Variants in UTRN observed in about 807,000 individuals in gnomAD.
The protein encoded by UTRN is utrophin.
A neutral mutation model predicts 463.9 loss-of-function variants in UTRN; 283 were observed. The ratio of observed to expected loss-of-function variants is 0.61; its 90% CI spans 0.55 to 0.67. UTRN has a LOEUF of 0.67. UTRN is among the 30% of genes least tolerant of loss of function. The probability of loss-of-function intolerance (pLI) is 0.00; values close to 1 mark genes in which losing one functional copy is unlikely to be tolerated. For missense variants in UTRN, 3,922 were observed against 4,084.3 expected (o/e 0.96, Z 1.08); for synonymous variants, 1,442 against 1,431.5 (o/e 1.01, Z -0.17).
At chr6:144,721,114 G>T (rs142793822) in intron 53 of UTRN, among the ~76,000 whole-genome samples, 77 of 152,218 alleles carry the variant, frequency 5.1e-4, no homozygotes, top group Middle Eastern at 3.4e-3. Context: ...CTCTCCAGTT[G>T]TTATTTTTGA....
chr6:144,588,084 T>C (rs1802645197), intron 51 of UTRN, among the ~76,000 whole-genome samples: 1 of 152,160 alleles, frequency 6.6e-6, no homozygotes, highest in Non-Finnish European at 1.5e-5. Context: ...GACTACTTTC[T>C]CTACTCTGCG....
At chr6:144,578,158 G>T (rs12193624) in intron 51 of UTRN, among the ~76,000 whole-genome samples, 12,871 of 152,072 alleles carry the variant, frequency 0.085, 1,686 homozygotes, top group African/African-American at 0.28. Context: ...AGCCAAGATC[G>T]CACTACTACA....
At chr6:144,799,395 G>A (rs1562927228) in intron 64 of UTRN, 3 of 470,264 alleles carry the variant, frequency 6.4e-6, no homozygotes, top group Non-Finnish European at 4.4e-6. Flanking sequence ...AGTAGAGTGA[G>A]CATTAGCCTG....
Position 144,537,810 on chromosome 6 carries a change from G to A in UTRN, c.6369+93G>A, listed in dbSNP as rs1317898293. 6.7e-6 allele frequency: 10 copies of A among 1,496,762 alleles called. No individual in the cohort carries two copies. In the Admixed American group the frequency reaches 2.4e-4, roughly 37 times the overall value. 92.7% of individuals were successfully genotyped at this position (1,496,762 alleles called of 1,614,324 possible). On this transcript the variant is annotated intron_variant, in intron 44 of 74. Transcript: ENST00000367545. ...CGTGTCTCAAGAAGAAAAGGGAAAA[G>A]AAACTTTGTACTTTTTGGTAAATGT...
chr6:144,490,635 A>C (rs1056618920), intron 31 of UTRN, among the ~76,000 whole-genome samples: 12 of 152,164 alleles, frequency 7.9e-5, no homozygotes, highest in Non-Finnish European at 1.5e-4. Context: ...TATCTTTTTG[A>C]ACATGAAGTT....
At chr6:144,733,732 A>T (rs1230210058) in intron 54 of UTRN, among the ~76,000 whole-genome samples, 4 of 152,146 alleles carry the variant, frequency 2.6e-5, no homozygotes, top group Non-Finnish European at 4.4e-5. Context: ...ACAATATTAG[A>T]ATGGTTAAGA....
At chr6:144,415,997 T>TATGTGATGTATTTGCA (rs1295848618) in intron 3 of UTRN, among the ~76,000 whole-genome samples, 2 of 152,140 alleles carry the variant, frequency 1.3e-5, no homozygotes, top group African/African-American at 4.8e-5. Flanking sequence ...TATTTCTTGA[T>TATGTGATGTATTTGCA]ATGTGATGTA....
At chr6:144,523,466 C>T (rs955145541) in intron 41 of UTRN, among the ~76,000 whole-genome samples, 13 of 152,128 alleles carry the variant, frequency 8.5e-5, no homozygotes, top group East Asian at 1.9e-4. Context: ...CACACCACCA[C>T]GCCTGGCTAA....
chr6:144,642,180 G>T (rs182917007), intron 51 of UTRN, among the ~76,000 whole-genome samples: 3 of 152,066 alleles, frequency 2.0e-5, no homozygotes, highest in Non-Finnish European at 1.5e-5. Flanking sequence ...CTTTAATTTA[G>T]ACTACTTATA....
At chr6:144,850,227 C>T (rs946531910) in intron 74 of UTRN, among the ~76,000 whole-genome samples, 22 of 152,098 alleles carry the variant, frequency 1.4e-4, no homozygotes, top group Admixed American at 7.9e-4. Flanking sequence ...GGAGGGGCTC[C>T]GTGGGCAGTT....
chr6:144,531,925 C>T (rs1021727441), intron 42 of UTRN, among the ~76,000 whole-genome samples: 6 of 152,022 alleles, frequency 3.9e-5, no homozygotes, highest in African/African-American at 7.3e-5. Context: ...ATTATGAGGT[C>T]AGGAGATCGA....
chr6:144,672,615 A>G (rs1020819376), intron 51 of UTRN, among the ~76,000 whole-genome samples: 13 of 152,040 alleles, frequency 8.6e-5, no homozygotes, highest in African/African-American at 3.1e-4. Context: ...TCAAAGAACC[A>G]GCTCTTTGTT....
chr6:144,533,058 C>G, intron 42 of UTRN, 27 bp from the exon 43 acceptor site: 1 of 1,314,706 alleles, frequency 7.6e-7, no homozygotes. Flanking sequence ...ATTAGTGAAA[C>G]TAATCTTGAG....
chr6:144,296,769 A>T (rs1804750624), intron 2 of UTRN, among the ~76,000 whole-genome samples: 1 of 152,234 alleles, frequency 6.6e-6, no homozygotes, highest in African/African-American at 2.4e-5. Flanking sequence ...CAGCTCTTCT[A>T]TCTCTTTTTT....
intron 55 of UTRN, among the ~76,000 whole-genome samples, chr6:144,751,389 G>T (rs1270401819): frequency 6.6e-6 from 1 of 152,132 alleles, no homozygotes; most frequent in Non-Finnish European, 1.5e-5. Context: ...AATAAACAAT[G>T]ACTTTTTGGT....
chr6:144,538,371 T>A (rs532139168), intron 44 of UTRN, among the ~76,000 whole-genome samples: 25 of 151,272 alleles, frequency 1.7e-4, no homozygotes, highest in Admixed American at 2.0e-4. Flanking sequence ...CATTTTTTTT[T>A]AAAAAAAGAA....
intron 50 of UTRN, among the ~76,000 whole-genome samples, chr6:144,573,460 G>A (rs371864004): frequency 6.6e-5 from 10 of 152,120 alleles, no homozygotes; most frequent in East Asian, 3.9e-4. Context: ...TTGGGAGGCC[G>A]AGGCGGGCCG....
Position 144,846,795 on chromosome 6 carries a change from T to A in UTRN, c.10271-10T>A. 6.2e-7 allele frequency: 1 copy of A among 1,614,060 alleles called. No homozygotes were observed. The highest frequency in any genetic ancestry group is 8.5e-7 in the Non-Finnish European group (1 of 1,179,938). On this transcript the variant is annotated splice_polypyrimidine_tract_variant and intron_variant, in intron 73 of 74. Transcript: ENST00000367545. ...TGCCATTAAGTGATTTCTTTTGTTT[T>A]CTCTTTCAGCAAATGTTCCCAGCAG...
At position 144,461,317 on chromosome 6, in the gene UTRN, TGGAGA is replaced by T. The variant is rs752697918; in HGVS notation, c.2829_2833del (p.Glu944GlyfsTer9). 2 of 1,581,306 alleles carry T rather than the reference TGGAGA, an allele frequency of 1.3e-6. No homozygotes were observed. Among genetic ancestry groups the T allele is most frequent in the Non-Finnish European group, 1.7e-6 (2 of 1,162,700 alleles). The stretch of plus-strand genomic sequence containing the variant: ...AATGTCCTTAATGATCTTGCCAAGG[TGGAGA>T]AGGCCCTGCAAGAAAAAAAGGTAAC... On this transcript the variant is annotated frameshift_variant, in exon 22 of 75. Transcript: ENST00000367545. LOFTEE classifies it high-confidence loss of function.
Sources: gnomAD v4.1 joint callset for allele counts (sites outside exome capture counted in the v4.1 genomes callset) on GRCh38, gnomAD v4.1.1 for gene constraint, MANE v1.5 for transcripts, NCBI Gene and HGNC (gene_info 2026-07-23, HGNC 2026-07-21) for gene names.